Variants in TPGS2 observed in about 807,000 individuals in gnomAD.
TPGS2 encodes tubulin polyglutamylase complex subunit 2, also known as polyglutamylase subunit 2.
Under a neutral mutation model 31.1 loss-of-function variants are expected in TPGS2, and 26 were observed. The observed-to-expected ratio is 0.84, with a 90% CI of 0.61 to 1.16. The LOEUF is 1.16. TPGS2 is among the 50% of genes most tolerant of loss of function. The pLI, the probability that TPGS2 is intolerant of heterozygous loss-of-function variation, is 0.00. For missense variants in TPGS2, 351 were observed against 363.8 expected (o/e 0.96, Z 0.29); for synonymous variants, 130 against 136.6 (o/e 0.95, Z 0.34).
chr18:36,786,266 G>C (rs2044123657), intron 6 of TPGS2, among the ~76,000 whole-genome samples: 1 of 152,196 alleles, frequency 6.6e-6, no homozygotes, highest in East Asian at 1.9e-4. Context: ...TGTCACCCAG[G>C]CTGGAATGCA....
downstream of TPGS2, among the ~76,000 whole-genome samples, chr18:36,792,027 C>CAAA (rs754114446): frequency 8.4e-3 from 707 of 83,932 alleles, 13 homozygotes; most frequent in African/African-American, 0.027. Context: ...GACCCTGTCT[C>CAAA]AAAAAAAAAA....
chr18:36,786,676 TA>T, intron 6 of TPGS2: 1 of 547,900 alleles, frequency 1.8e-6, no homozygotes, highest in Non-Finnish European at 2.8e-6. Context: ...TTGTTGTGTC[TA>T]AAACCACAAA....
rs1305022012 is a variant in TPGS2, at chr18:36,794,305, A to G, written c.*2500T>C. ...ACTGGATCCTGCACTGAGTGGAGTC[A>G]GTCCTGCTCTTCCCTGCTCACTCCT... On this transcript the variant is annotated 3_prime_UTR_variant, in exon 7 of 7. Transcript: ENST00000334295. The G allele has an allele frequency of 1.0e-6, 1 of 985,452 alleles. No homozygotes were observed. The highest frequency in any genetic ancestry group is 4.7e-5 in the South Asian group (1 of 21,292). The allele number at this position is 985,452 out of a possible 1,614,324, so 61.0% of individuals were successfully genotyped here.
At chr18:36,801,474 A>G (rs1278112787) in intron 4 of TPGS2, among the ~76,000 whole-genome samples, 1 of 152,052 alleles carries the variant, frequency 6.6e-6, no homozygotes, top group East Asian at 1.9e-4. Flanking sequence ...GCTGGGGTCC[A>G]TAGGTGTGGC....
chr18:36,796,103 A>G lies in TPGS2; in HGVS notation c.*702T>C. On this transcript the variant is annotated 3_prime_UTR_variant, in exon 7 of 7. Coordinates refer to ENST00000334295, the MANE Select transcript of TPGS2 (RefSeq NM_015476.4). ...GAAGACAAACTTTATAGGAAGCTGC[A>G]AAAGAAATGAGCAGAGCGAGATATT... 3.0e-6 allele frequency: 3 copies of G among 985,496 alleles called. No homozygotes were observed. Among genetic ancestry groups the G allele is most frequent in the Non-Finnish European group, 3.6e-6 (3 of 829,950 alleles). 61.0% of individuals were successfully genotyped at this position (985,496 alleles called of 1,614,324 possible).
intron 1 of TPGS2, chr18:36,823,747 A>T: frequency 1.2e-6 from 1 of 854,588 alleles, no homozygotes; most frequent in Non-Finnish European, 1.4e-6. Flanking sequence ...GGCGTGAGCC[A>T]CCGCGCCCGG....
intron 1 of TPGS2, chr18:36,823,730 G>A: frequency 1.6e-6 from 1 of 638,786 alleles, no homozygotes; most frequent in Non-Finnish European, 1.9e-6. Flanking sequence ...AAAGTGCTGG[G>A]ATTACAGGCG....
chr18:36,786,817 A>G, intron 6 of TPGS2: 2 of 1,234,254 alleles, frequency 1.6e-6, no homozygotes, highest in Non-Finnish European at 2.0e-6. Context: ...TTTTATTTGT[A>G]GTTCTCAGAA....
In TPGS2 at chr18:36,796,058, CTT is replaced by C. The variant is rs1322219407; in HGVS notation, c.*745_*746del. The stretch of plus-strand genomic sequence containing the variant: ...ATAACACAAAACTGGAAGCAAGAAA[CTT>C]CACTGGAAACTGATGAGGAAGACAA... On this transcript the variant is annotated 3_prime_UTR_variant, in exon 7 of 7. Coordinates refer to ENST00000334295, the MANE Select transcript of TPGS2 (RefSeq NM_015476.4). 1.0e-6 allele frequency: 1 copy of C among 985,286 alleles called. No individual in the cohort carries two copies. Among genetic ancestry groups the C allele is most frequent in the Non-Finnish European group, 1.2e-6 (1 of 829,922 alleles). The allele number at this position is 985,286 out of a possible 1,614,324, so 61.0% of individuals were successfully genotyped here.
At position 36,805,443 on chromosome 18, in the gene TPGS2, T is replaced by A. The variant is rs773882784; in HGVS notation, c.313A>T (p.Thr105Ser). ...GGAAGTGAATACATGGAAGACTGGG[T>A]GAGCTGAGTCAGTTTTGAGATGCTG... ...INSISKLTQL[T>S]QSSMYSLPNA... The change falls in exon 4 of 7, where the codon ACC (threonine) becomes TCC (serine). Residue 105 changes from threonine to serine, a missense_variant. Coordinates refer to ENST00000334295, the MANE Select transcript of TPGS2 (RefSeq NM_015476.4). The A allele has an allele frequency of 6.2e-7, 1 of 1,614,024 alleles. No homozygotes were observed. Among genetic ancestry groups the A allele is most frequent in the South Asian group, 1.1e-5 (1 of 91,070 alleles).
downstream of TPGS2, among the ~76,000 whole-genome samples, chr18:36,793,652 T>C (rs112313336): frequency 7.7e-3 from 1,177 of 152,326 alleles, 12 homozygotes; most frequent in African/African-American, 0.027. Context: ...GAAATACATA[T>C]GCATACAGTA....
At chr18:36,806,361 C>T (rs891027293) in intron 3 of TPGS2, among the ~76,000 whole-genome samples, 1 of 152,068 alleles carries the variant, frequency 6.6e-6, no homozygotes, top group Non-Finnish European at 1.5e-5. Flanking sequence ...AGGGGCTAGC[C>T]TGTTGCAAGG....
intron 2 of TPGS2, among the ~76,000 whole-genome samples, chr18:36,810,049 T>C (rs531044581): frequency 2.0e-5 from 3 of 152,248 alleles, no homozygotes; most frequent in African/African-American, 7.2e-5. Context: ...CTAATATACA[T>C]AAAAATATTC....
intron 1 of TPGS2, chr18:36,823,777 GGCTT>G (rs1433277618): frequency 1.0e-5 from 10 of 970,980 alleles, no homozygotes; most frequent in African/African-American, 1.8e-5. Context: ...TGTTTTAAAG[GGCTT>G]ATGTGATTAG....
At chr18:36,800,119 C>T (rs1200882376) in intron 5 of TPGS2, 79 bp downstream of exon 5, 2 of 1,309,024 alleles carry the variant, frequency 1.5e-6, no homozygotes, top group Admixed American at 1.8e-5. Context: ...AGGTATGTGT[C>T]TCCTGAGCCA....
chr18:36,806,945 G>C (rs992365696), intron 3 of TPGS2, among the ~76,000 whole-genome samples: 7 of 149,952 alleles, frequency 4.7e-5, no homozygotes, highest in Admixed American at 4.6e-4. Context: ...ACAGAACTCA[G>C]GTGTGTAGGT....
At chr18:36,828,447 G>A (rs1306587789) in intron 1 of TPGS2, among the ~76,000 whole-genome samples, 1 of 152,116 alleles carries the variant, frequency 6.6e-6, no homozygotes, top group African/African-American at 2.4e-5. Flanking sequence ...TTGGTTGGCG[G>A]TGAGTGGGGG....
At chr18:36,825,912 C>T (rs1046132329) in intron 1 of TPGS2, among the ~76,000 whole-genome samples, 1 of 152,210 alleles carries the variant, frequency 6.6e-6, no homozygotes, top group African/African-American at 2.4e-5. Flanking sequence ...ACAATATTAA[C>T]TCTTCCAATC....
chr18:36,798,352 G>GAATC (rs1328429617), intron 6 of TPGS2, 97 bp downstream of exon 6: 1 of 1,574,858 alleles, frequency 6.3e-7, no homozygotes, highest in Non-Finnish European at 8.6e-7. Flanking sequence ...TAGATCTCCT[G>GAATC]AATCAGATAG....
Sources: allele counts gnomAD v4.1 joint callset (sites outside exome capture counted in the v4.1 genomes callset), GRCh38; gene constraint gnomAD v4.1.1; transcripts MANE v1.5; gene names NCBI Gene and HGNC (gene_info 2026-07-23, HGNC 2026-07-21).